CLASRP: variants seen among roughly 807,000 people sequenced by gnomAD.
The protein encoded by CLASRP is CLK4-associating serine/arginine rich protein.
Under a neutral mutation model 99.9 loss-of-function variants are expected in CLASRP, and 52 were observed. The ratio of observed to expected loss-of-function variants is 0.52; its 90% confidence interval spans 0.42 to 0.66. The LOEUF (loss-of-function observed/expected upper bound fraction) is 0.66, where lower values mean the gene tolerates loss of function less well. Ranked by LOEUF, CLASRP falls within the 30% of genes least tolerant of loss-of-function variation. The pLI, the probability that CLASRP is intolerant of heterozygous loss-of-function variation, is 0.00. For missense variants in CLASRP, 848 were observed against 999.2 expected (o/e 0.85, Z 2.04); for synonymous variants, 379 against 373.0 (o/e 1.02, Z -0.18).
At chr19:45,043,041 A>G (rs569925764) in intron 2 of CLASRP, among the ~76,000 whole-genome samples, 4 of 152,234 alleles carry the variant, frequency 2.6e-5, no homozygotes, top group East Asian at 1.9e-4. Flanking sequence ...ATTGTATACA[A>G]TTACCTTCAG....
intron 15 of CLASRP, 85 bp from the exon 16 acceptor site, chr19:45,068,335 C>G: frequency 1.6e-6 from 1 of 616,522 alleles, no homozygotes; most frequent in Non-Finnish European, 2.9e-6. Flanking sequence ...CCCCCCCGCA[C>G]AAAGCCCCAG....
chr19:45,042,281 G>T (rs1220479704), intron 2 of CLASRP, among the ~76,000 whole-genome samples: 1 of 152,170 alleles, frequency 6.6e-6, no homozygotes, highest in East Asian at 1.9e-4. Flanking sequence ...GACAGGGTCA[G>T]TTTTGTGCTT....
At chr19:45,059,753 A>T (rs1421008050) in intron 8 of CLASRP, among the ~76,000 whole-genome samples, 1 of 152,182 alleles carries the variant, frequency 6.6e-6, no homozygotes, top group African/African-American at 2.4e-5. Flanking sequence ...ACCACACAGA[A>T]TGGTCCCAGC....
intron 2 of CLASRP, among the ~76,000 whole-genome samples, chr19:45,040,950 C>G (rs142307411): frequency 0.012 from 1,794 of 151,386 alleles, 36 homozygotes; most frequent in African/African-American, 0.04. Context: ...GGTGACAGAG[C>G]AAGACTCAAC....
In CLASRP at chr19:45,064,155, G is replaced by C. The variant is rs553123105; in HGVS notation, c.1049G>C (p.Gly350Ala). The C allele has an allele frequency of 2.6e-5, 42 of 1,611,428 alleles. No homozygotes were observed. In the South Asian group the frequency reaches 4.3e-4, roughly 16 times the overall value. Residue 350 changes from glycine (G) to alanine (A), a missense_variant, in exon 12 of 21, where the codon GGA becomes GCA. Physicochemically the swap from Gly to Ala is moderately conservative, Grantham distance 60. This residue lies in a region of CLASRP where 489 missense variants were observed against 434.7 expected (regional missense o/e 1.12). Transcript: ENST00000221455. Reference protein sequence around the residue: ...AAAAAAAAASGVTTGKPPAPP... With the variant: ...AAAAAAAAASAVTTGKPPAPP... ...GCCGCTGCTGCCGCAGCAGCATCAG[G>C]AGTCACCACAGGGAAGCCCCCCGCA...
chr19:45,047,720 G>C (rs546722079), intron 2 of CLASRP, among the ~76,000 whole-genome samples: 1 of 152,258 alleles, frequency 6.6e-6, no homozygotes, highest in East Asian at 1.9e-4. Context: ...CCACAGGGTG[G>C]ATGTAGTTAC....
intron 16 of CLASRP, 32 bp downstream of exon 16, chr19:45,068,512 C>T (rs750015331): frequency 2.7e-5 from 42 of 1,534,218 alleles, no homozygotes; most frequent in Non-Finnish European, 3.2e-5. Flanking sequence ...CAGGGTTTCA[C>T]AGCTCTTCTT....
chr19:45,042,555 G>A (rs933993628), intron 2 of CLASRP, among the ~76,000 whole-genome samples: 1 of 150,564 alleles, frequency 6.6e-6, no homozygotes, highest in African/African-American at 2.4e-5. Context: ...ATACACACAC[G>A]CACACACATA....
chr19:45,045,383 G>C (rs918415584), intron 2 of CLASRP, among the ~76,000 whole-genome samples: 1 of 152,150 alleles, frequency 6.6e-6, no homozygotes, highest in Non-Finnish European at 1.5e-5. Flanking sequence ...CGGGCATGAT[G>C]GCGTGCATCT....
At chr19:45,056,180 A>G (rs1438526203) in intron 5 of CLASRP, among the ~76,000 whole-genome samples, 2 of 152,222 alleles carry the variant, frequency 1.3e-5, no homozygotes, top group African/African-American at 2.4e-5. Context: ...GTACCAGGCC[A>G]GGCACTCACT....
At chr19:45,048,995 AAAAG>A (rs1448146612) in intron 2 of CLASRP, among the ~76,000 whole-genome samples, 3 of 152,206 alleles carry the variant, frequency 2.0e-5, no homozygotes, top group Non-Finnish European at 2.9e-5. Flanking sequence ...CAAAAAAAGA[AAAAG>A]AATAGTATGT....
rs1967000003 is a variant in CLASRP, at chr19:45,063,898, G to A, written c.906-114G>A. On this transcript the variant is annotated intron_variant, in intron 11 of 20. Coordinates refer to ENST00000221455, the MANE Select transcript of CLASRP (RefSeq NM_007056.3). The stretch of plus-strand genomic sequence containing the variant: ...CCCTCCAGGCTCCATCCACCCGCCT[G>A]GTTTCCCGGGTCGCTGTGGCCCGCG... 1.9e-5 allele frequency: 27 copies of A among 1,439,562 alleles called. No homozygotes were observed. In the South Asian group the frequency reaches 3.8e-4, roughly 20 times the overall value. 89.2% of individuals were successfully genotyped at this position (1,439,562 alleles called of 1,614,324 possible). A position where few individuals can be genotyped will look rare whatever the true frequency, so the allele number is the denominator to read the frequency against.
At chr19:45,055,923 G>A (rs182916238) in intron 5 of CLASRP, among the ~76,000 whole-genome samples, 37 of 152,298 alleles carry the variant, frequency 2.4e-4, no homozygotes, top group African/African-American at 8.7e-4. Context: ...TCAGGGACAC[G>A]TGTCTCACTG....
intron 20 of CLASRP, 89 bp downstream of exon 20, chr19:45,070,650 T>G: frequency 7.3e-7 from 1 of 1,363,932 alleles, no homozygotes; most frequent in Admixed American, 1.7e-5. Context: ...AGCCTCACCC[T>G]GTACCCACCT....
At chr19:45,053,508 C>T (rs1457370008) in intron 5 of CLASRP, among the ~76,000 whole-genome samples, 1 of 152,054 alleles carries the variant, frequency 6.6e-6, no homozygotes, top group Admixed American at 6.6e-5. Context: ...GGCGGAGTTT[C>T]GTTCTTGTTG....
intron 2 of CLASRP, among the ~76,000 whole-genome samples, chr19:45,049,318 G>T (rs1156927468): frequency 6.6e-5 from 10 of 152,182 alleles, no homozygotes. Flanking sequence ...TTGTCCCAGG[G>T]CAGAGGGAGC....
intron 13 of CLASRP, among the ~76,000 whole-genome samples, chr19:45,065,496 G>C (rs1052134890): frequency 2.0e-5 from 3 of 152,038 alleles, no homozygotes; most frequent in African/African-American, 7.2e-5. Flanking sequence ...CGCAGGCGGA[G>C]GTTGCAGTGA....
chr19:45,068,828 A>C (rs532246381), intron 16 of CLASRP, among the ~76,000 whole-genome samples: 2 of 152,220 alleles, frequency 1.3e-5, no homozygotes, highest in Admixed American at 1.3e-4. Flanking sequence ...CCGTCTCTCT[A>C]AAACTACAAA....
chr19:45,052,715 G>T (rs1972047293), intron 3 of CLASRP, 76 bp from the exon 4 acceptor site: 2 of 1,074,160 alleles, frequency 1.9e-6, no homozygotes, highest in Non-Finnish European at 2.8e-6. Context: ...GCCTCAGCTG[G>T]CAGGGAGCAG....
Sources: gnomAD v4.1 joint callset for allele counts (sites outside exome capture counted in the v4.1 genomes callset) on GRCh38, gnomAD v4.1.1 for gene constraint, gnomAD v4.1.1 regional missense constraint, MANE v1.5 for transcripts, NCBI Gene and HGNC (gene_info 2026-07-23, HGNC 2026-07-21) for gene names.